Variants in MDM2 observed in about 807,000 individuals in gnomAD.
MDM2 encodes the protein E3 ubiquitin-protein ligase Mdm2.
A neutral mutation model predicts 64.3 loss-of-function variants in MDM2; 11 were observed. The observed-to-expected ratio is 0.17, with a 90% CI of 0.11 to 0.28. The LOEUF (loss-of-function observed/expected upper bound fraction) is 0.28, where lower values mean the gene tolerates loss of function less well. Among genes scored for constraint, MDM2 ranks in the 10% least tolerant of loss-of-function variants. The probability of loss-of-function intolerance (pLI) is 1.00; values close to 1 mark genes in which losing one functional copy is unlikely to be tolerated. For synonymous variants in MDM2, 194 were observed against 192.9 expected, an observed-to-expected ratio of 1.01 and a Z score of -0.05; for missense variants, 388 against 577.1, an observed-to-expected ratio of 0.67 and a Z score of 3.36.
At chr12:68,819,735 C>T (rs1881691989) in intron 4 of MDM2, among the ~76,000 whole-genome samples, 1 of 152,220 alleles carries the variant, frequency 6.6e-6, no homozygotes, top group Non-Finnish European at 1.5e-5. Flanking sequence ...GGGTGATCTG[C>T]CGGACTCGGC....
chr12:68,814,410 A>T (rs924281312), intron 3 of MDM2, among the ~76,000 whole-genome samples: 3 of 152,240 alleles, frequency 2.0e-5, no homozygotes, highest in African/African-American at 7.2e-5. Context: ...AATGTTTGCC[A>T]TAAGTACAGT....
intron 8 of MDM2, 94 bp downstream of exon 8, chr12:68,829,025 C>A: frequency 8.1e-7 from 1 of 1,227,498 alleles, no homozygotes; most frequent in Non-Finnish European, 1.1e-6. Context: ...GTACATGTGT[C>A]TTACGAGATT....
intron 2 of MDM2, 148 bp from the exon 3 acceptor site, chr12:68,813,406 A>T (rs984583341): frequency 2.0e-5 from 12 of 591,704 alleles, no homozygotes; most frequent in Admixed American, 3.2e-5. Context: ...CTGATACTTG[A>T]TGATTCCATG....
At chr12:68,818,598 A>G (rs1324169378) in intron 4 of MDM2, among the ~76,000 whole-genome samples, 1 of 148,434 alleles carries the variant, frequency 6.7e-6, no homozygotes, top group Admixed American at 6.8e-5. Flanking sequence ...AAATATATGT[A>G]TAATTATTAT....
chr12:68,824,566 A>G lies in MDM2; in HGVS notation c.438A>G (p.Gln146=), dbSNP rs1882142687. 1.2e-6 allele frequency: 2 copies of G among 1,613,356 alleles called. No individual in the cohort carries two copies. The highest frequency in any genetic ancestry group is 2.2e-5 in the East Asian group (1 of 44,870). Residue 146 remains glutamine, a synonymous_variant, in exon 7 of 11, where the codon CAA becomes CAG. Transcript: ENST00000258149. ...TCCTAAATGCTTAGGACCTTGTACAAGAGCTTCAGGAAGAGAAACCTTCAT... is the reference window on the plus strand; with the variant it reads ...TCCTAAATGCTTAGGACCTTGTACAGGAGCTTCAGGAAGAGAAACCTTCAT... The part of the protein sequence containing the change: ...EGGSDQKDLV[Q]ELQEEKPSSS...
Position 68,841,714 on chromosome 12 carries a change from GAATTCAGAAAAGTT to G in MDM2, c.*1876_*1889del, listed in dbSNP as rs1883781986. On this transcript the variant is annotated 3_prime_UTR_variant, in exon 11 of 11. Transcript: ENST00000258149. ...CTTAAGGCCAGTTTTAGAAACCCGTGAATTCAGAAAAGTTAATTCAGAAATTTGATAAACAGAAT... is the reference window on the plus strand; with the variant it reads ...CTTAAGGCCAGTTTTAGAAACCCGTGAATTCAGAAATTTGATAAACAGAAT... 1 of 206,736 alleles carries G rather than the reference GAATTCAGAAAAGTT, an allele frequency of 4.8e-6. No individual in the cohort carries two copies. Among genetic ancestry groups the G allele is most frequent in the Admixed American group, 5.9e-5 (1 of 16,908 alleles). The allele number at this position is 206,736 out of a possible 1,614,324, so 12.8% of individuals were successfully genotyped here.
intron 3 of MDM2, among the ~76,000 whole-genome samples, chr12:68,816,335 A>G (rs925545862): frequency 1.3e-5 from 2 of 151,512 alleles, no homozygotes; most frequent in Non-Finnish European, 2.9e-5. Context: ...GCTTCTGTCA[A>G]ATTAAATGGA....
In MDM2 at chr12:68,840,290, A is replaced by T; in HGVS notation, c.*441A>T. 1 of 176,884 alleles carries T rather than the reference A, an allele frequency of 5.7e-6. No homozygotes were observed. Among genetic ancestry groups the T allele is most frequent in the Non-Finnish European group, 1.2e-5 (1 of 83,202 alleles). 11.0% of individuals were successfully genotyped at this position (176,884 alleles called of 1,614,324 possible). A position where few individuals can be genotyped will look rare whatever the true frequency, so the allele number is the denominator to read the frequency against. On this transcript the variant is annotated 3_prime_UTR_variant, in exon 11 of 11. Transcript: ENST00000258149. ...CTCCCAATTAGCTTGGCCTACAGTC[A>T]TCTGCCACCACACCTGGCTAATTTT...
Position 68,845,231 on chromosome 12 carries a change from T to TA in MDM2, c.*5388dup, listed in dbSNP as rs1565754850. On this transcript the variant is annotated 3_prime_UTR_variant, in exon 11 of 11. Transcript: ENST00000258149. ...AAAAAGAAAAAGTATTTCTTCAGCT[T>TA]AAAAAATTGTTTAAAAGTTTGTGAT... 4.6e-6 allele frequency: 1 copy of TA among 216,890 alleles called. No individual in the cohort carries two copies. The highest frequency in any genetic ancestry group is 2.3e-5 in the African/African-American group (1 of 44,334). 13.4% of individuals were successfully genotyped at this position (216,890 alleles called of 1,614,324 possible).
At chr12:68,833,830 C>T (rs1387011950) in intron 8 of MDM2, among the ~76,000 whole-genome samples, 1 of 152,096 alleles carries the variant, frequency 6.6e-6, no homozygotes, top group Non-Finnish European at 1.5e-5. Flanking sequence ...TGATTTACCC[C>T]CTTATTCTAA....
In MDM2 at chr12:68,842,288, GC is replaced by G; in HGVS notation, c.*2440del. On this transcript the variant is annotated 3_prime_UTR_variant, in exon 11 of 11. Transcript: ENST00000258149. ...AAGTTCAGGACATCAAAGAAGTCAG[GC>G]AAAACTCATCTTGACCCCTGTTGCA... is the stretch of plus-strand genomic sequence containing the variant. 2.0e-6 allele frequency: 1 copy of G among 496,380 alleles called. No individual in the cohort carries two copies. The highest frequency in any genetic ancestry group is 4.0e-6 in the Non-Finnish European group (1 of 250,956). 30.7% of individuals were successfully genotyped at this position (496,380 alleles called of 1,614,324 possible). A position where few individuals can be genotyped will look rare whatever the true frequency, so the allele number is the denominator to read the frequency against.
At chr12:68,835,296 G>A (rs892758239) in intron 8 of MDM2, among the ~76,000 whole-genome samples, 7 of 152,208 alleles carry the variant, frequency 4.6e-5, no homozygotes, top group African/African-American at 1.7e-4. Context: ...ATTGACAAAG[G>A]CTTAGTCAAA....
At position 68,839,577 on chromosome 12, in the gene MDM2, A is replaced by G. The variant is rs1173684536; in HGVS notation, c.1222A>G (p.Ser408Gly). The G allele has an allele frequency of 6.2e-7, 1 of 1,614,026 alleles. No individual in the cohort carries two copies. The highest frequency in any genetic ancestry group is 1.1e-5 in the South Asian group (1 of 91,078). ...EDYSQPSTSS[S>G]IIYSSQEDVK... ...CTATTCTCAGCCATCAACTTCTAGTAGCATTATTTATAGCAGCCAAGAAGA... is the reference window on the plus strand; with the variant it reads ...CTATTCTCAGCCATCAACTTCTAGTGGCATTATTTATAGCAGCCAAGAAGA... The change falls in exon 11 of 11, where the codon AGC (serine) becomes GGC (glycine). Residue 408 changes from serine to glycine, a missense_variant. This residue lies in a region of MDM2 where 138 missense variants were observed against 143.7 expected (regional missense o/e 0.96). Transcript: ENST00000258149.
In MDM2 at chr12:68,813,698, A is replaced by G. The variant is rs1881113285; in HGVS notation, c.174+70A>G. 19 of 1,101,184 alleles carry G rather than the reference A, an allele frequency of 1.7e-5. No homozygotes were observed. The South Asian group carries it at 2.7e-4, about 16-fold the overall frequency. The allele number at this position is 1,101,184 out of a possible 1,614,324, so 68.2% of individuals were successfully genotyped here. A position where few individuals can be genotyped will look rare whatever the true frequency, so the allele number is the denominator to read the frequency against. On this transcript the variant is annotated intron_variant, in intron 3 of 10. Coordinates refer to ENST00000258149, the MANE Select transcript of MDM2 (RefSeq NM_002392.6). ...AGCCATACTTAAAGTTTTCAAGACC[A>G]TGTGGAGAAATTGGCCATATAGAAG...
chr12:68,817,671 C>T (rs1204862082), intron 4 of MDM2, among the ~76,000 whole-genome samples: 3 of 152,048 alleles, frequency 2.0e-5, no homozygotes, highest in Admixed American at 2.0e-4. Flanking sequence ...ATCACTTGAA[C>T]CAGGCAGGTG....
intron 5 of MDM2, 37 bp from the exon 6 acceptor site, chr12:68,824,326 C>T: frequency 6.4e-7 from 1 of 1,568,440 alleles, no homozygotes; most frequent in Non-Finnish European, 8.8e-7. Flanking sequence ...GCCCCCCGCC[C>T]ACCACCAAGT....
intron 8 of MDM2, among the ~76,000 whole-genome samples, chr12:68,833,003 A>G (rs1475824455): frequency 6.7e-6 from 1 of 148,726 alleles, no homozygotes; most frequent in Non-Finnish European, 1.5e-5. Flanking sequence ...GCGGGCACCT[A>G]TAGTCCCAGC....
chr12:68,827,289 C>A (rs1882417194), intron 7 of MDM2, among the ~76,000 whole-genome samples: 2 of 140,526 alleles, frequency 1.4e-5, no homozygotes, highest in South Asian at 4.4e-4. Context: ...TTTCTTTGAT[C>A]CCTAGGAGGT....
chr12:68,813,034 A>G (rs1020162963), intron 2 of MDM2, among the ~76,000 whole-genome samples: 1 of 145,696 alleles, frequency 6.9e-6, no homozygotes, highest in African/African-American at 2.8e-5. Context: ...AATGTAGACT[A>G]ACTAAGAGGC....
Sources: gnomAD v4.1 joint callset for allele counts (sites outside exome capture counted in the v4.1 genomes callset) on GRCh38, gnomAD v4.1.1 for gene constraint, gnomAD v4.1.1 regional missense constraint, MANE v1.5 for transcripts, NCBI Gene and HGNC (gene_info 2026-07-23, HGNC 2026-07-21) for gene names.